The following DIAPH2 variants were observed in gnomAD, a reference collection of about 807,000 sequenced individuals.
DIAPH2 encodes protein diaphanous homolog 2.
Under a neutral mutation model 92.7 loss-of-function variants are expected in DIAPH2, and 35 were observed. That is an observed-to-expected ratio of 0.38 (90% CI 0.29 to 0.50). The LOEUF is 0.50. Ranked by LOEUF, DIAPH2 falls within the 20% of genes least tolerant of loss-of-function variation. DIAPH2 has a pLI of 0.94. For missense variants in DIAPH2, 701 were observed against 819.5 expected (o/e 0.86, Z 1.77); for synonymous variants, 301 against 280.4 (o/e 1.07, Z -0.73).
intron 23 of DIAPH2, among the ~76,000 whole-genome samples, chrX:97,307,886 C>T (rs1442801963): frequency 1.3e-5 from 1 of 76,157 alleles, no homozygotes; most frequent in East Asian, 4.0e-4. Context: ...CCAGCCTGGG[C>T]AACAAGAACA....
intron 22 of DIAPH2, among the ~76,000 whole-genome samples, chrX:97,187,759 GTGTT>G (rs893591670): frequency 1.2e-4 from 13 of 111,762 alleles, no homozygotes; most frequent in African/African-American, 4.2e-4. Flanking sequence ...GAGAACTAAA[GTGTT>G]TGTGTTACAC....
chrX:96,903,499 T>C (rs1203605978), intron 5 of DIAPH2, among the ~76,000 whole-genome samples: 1 of 111,936 alleles, frequency 8.9e-6, no homozygotes, highest in Non-Finnish European at 1.9e-5. Context: ...TTATTATAAG[T>C]TTGACTGGTT....
At chrX:96,917,987 G>A (rs756460610) in intron 8 of DIAPH2, among the ~76,000 whole-genome samples, 4 of 111,165 alleles carry the variant, frequency 3.6e-5, no homozygotes, top group Non-Finnish European at 7.6e-5. Flanking sequence ...TATCACTTAA[G>A]TATTCTTTTT....
chrX:97,081,139 ATTTC>A (rs1160016892), intron 19 of DIAPH2, among the ~76,000 whole-genome samples: 1 of 111,938 alleles, frequency 8.9e-6, no homozygotes, highest in Non-Finnish European at 1.9e-5. Flanking sequence ...ATCATAAAAC[ATTTC>A]TTTCTTATTT....
At chrX:96,884,207 C>G (rs2065240894) in intron 5 of DIAPH2, 1 of 649,412 alleles carries the variant, frequency 1.5e-6, no homozygotes, top group Non-Finnish European at 2.3e-6. Flanking sequence ...CAGCTCGAAG[C>G]CTTCTGTGGA....
intron 26 of DIAPH2, among the ~76,000 whole-genome samples, chrX:97,435,616 T>C (rs2070174997): frequency 9.0e-6 from 1 of 111,087 alleles, no homozygotes; most frequent in Non-Finnish European, 1.9e-5. Context: ...TTTTGCTAAA[T>C]CTTTCTTGAT....
At chrX:97,216,246 G>C (rs1334335946) in intron 22 of DIAPH2, among the ~76,000 whole-genome samples, 2 of 111,792 alleles carry the variant, frequency 1.8e-5, no homozygotes, top group Non-Finnish European at 3.8e-5. Flanking sequence ...CTTATACAAA[G>C]GAGTGTCATA....
At chrX:96,857,282 AC>A (rs974215799) in intron 4 of DIAPH2, among the ~76,000 whole-genome samples, 1 of 111,504 alleles carries the variant, frequency 9.0e-6, no homozygotes, top group African/African-American at 3.3e-5. Context: ...ACTGGTTGAA[AC>A]TTCTGCAAGT....
intron 23 of DIAPH2, among the ~76,000 whole-genome samples, chrX:97,334,848 G>GA (rs2069038755): frequency 9.3e-6 from 1 of 107,625 alleles, no homozygotes; most frequent in Non-Finnish European, 1.9e-5. Context: ...GGGTGTGGTG[G>GA]CAGGCGCCTG....
chrX:97,331,661 T>C (rs934805928), intron 23 of DIAPH2, among the ~76,000 whole-genome samples: 2 of 112,423 alleles, frequency 1.8e-5, no homozygotes, highest in African/African-American at 3.2e-5. Flanking sequence ...TTGACTGCTA[T>C]GATTGAAGTA....
At chrX:96,765,592 T>C (rs1037267063) in intron 4 of DIAPH2, among the ~76,000 whole-genome samples, 3 of 112,007 alleles carry the variant, frequency 2.7e-5, no homozygotes, top group African/African-American at 6.5e-5. Flanking sequence ...TTAAGTGTTA[T>C]AGGTTTATAT....
At chrX:97,439,327 C>A (rs1316321134) in intron 26 of DIAPH2, among the ~76,000 whole-genome samples, 2 of 111,204 alleles carry the variant, frequency 1.8e-5, no homozygotes, top group Admixed American at 1.9e-4. Flanking sequence ...GTAATCCCAG[C>A]ACTTTGGGAG....
chrX:97,565,770 T>C (rs906790179), intron 26 of DIAPH2, among the ~76,000 whole-genome samples: 5 of 111,940 alleles, frequency 4.5e-5, no homozygotes, highest in Admixed American at 9.5e-5. Context: ...CCAGAGCATA[T>C]TACATTCATG....
intron 23 of DIAPH2, among the ~76,000 whole-genome samples, chrX:97,318,482 C>CTTTTTTTTTTTTTT (rs745350367): frequency 4.3e-5 from 2 of 46,326 alleles, no homozygotes; most frequent in Non-Finnish European, 8.0e-5. Context: ...TTTTTCTTTA[C>CTTTTTTTTTTTTTT]TTTTTTTTTT....
chrX:97,249,686 C>T (rs1384884318), intron 23 of DIAPH2, among the ~76,000 whole-genome samples: 2 of 111,533 alleles, frequency 1.8e-5, no homozygotes, highest in African/African-American at 3.3e-5. Context: ...GAACGAAATG[C>T]GTAATCATTA....
At chrX:96,936,758 G>T (rs1399947046) in intron 10 of DIAPH2, among the ~76,000 whole-genome samples, 1 of 111,582 alleles carries the variant, frequency 9.0e-6, no homozygotes, top group Non-Finnish European at 1.9e-5. Context: ...TAAAATAAAT[G>T]TGTTTATACA....
chrX:97,332,616 T>C (rs764690081), intron 23 of DIAPH2, among the ~76,000 whole-genome samples: 3 of 111,449 alleles, frequency 2.7e-5, no homozygotes, highest in Non-Finnish European at 5.7e-5. Context: ...AAAATACTTA[T>C]AAAATGGGAA....
At chrX:96,938,346 A>G (rs180878939) in intron 11 of DIAPH2, among the ~76,000 whole-genome samples, 5 of 111,783 alleles carry the variant, frequency 4.5e-5, no homozygotes, top group Non-Finnish European at 9.4e-5. Flanking sequence ...GTGCCAGTCT[A>G]CTGTGGCTTC....
intron 17 of DIAPH2, among the ~76,000 whole-genome samples, chrX:97,014,523 A>G (rs1048626266): frequency 1.8e-5 from 2 of 112,103 alleles, no homozygotes; most frequent in African/African-American, 6.5e-5. Context: ...TAATCCCAGT[A>G]TAAATCTTGG....
Sources: allele counts gnomAD v4.1 joint callset (sites outside exome capture counted in the v4.1 genomes callset), GRCh38; gene constraint gnomAD v4.1.1; transcripts MANE v1.5; gene names NCBI Gene and HGNC (gene_info 2026-07-23, HGNC 2026-07-21).